The following UBE2E1 variants were observed in gnomAD, a reference collection of about 807,000 sequenced individuals.
UBE2E1 encodes ubiquitin conjugating enzyme E2 E1, also known as ubiquitin-conjugating enzyme E2 E1.
In UBE2E1, 6 loss-of-function variants were observed where a neutral mutation model predicts 21.4. The ratio of observed to expected loss-of-function variants is 0.28; its 90% CI spans 0.15 to 0.55. The LOEUF (loss-of-function observed/expected upper bound fraction) is 0.55, where lower values mean the gene tolerates loss of function less well. Ranked by LOEUF, UBE2E1 falls within the 20% of genes least tolerant of loss-of-function variation. The probability of loss-of-function intolerance (pLI) is 0.93; values close to 1 mark genes in which losing one functional copy is unlikely to be tolerated. For synonymous variants in UBE2E1, 87 were observed against 82.7 expected, an observed-to-expected ratio of 1.05 and a Z score of -0.28; for missense variants, 142 against 236.5, an observed-to-expected ratio of 0.60 and a Z score of 2.62.
intron 3 of UBE2E1, among the ~76,000 whole-genome samples, chr3:23,850,870 G>A (rs1700309894): frequency 7.1e-6 from 1 of 140,488 alleles, no homozygotes; most frequent in Non-Finnish European, 1.5e-5. Flanking sequence ...TAAGAGACAG[G>A]GTTTTGCCGT....
chr3:23,827,506 G>A (rs1223443978), intron 3 of UBE2E1, among the ~76,000 whole-genome samples: 2 of 152,152 alleles, frequency 1.3e-5, no homozygotes, highest in African/African-American at 4.8e-5. Context: ...TATAAATGAG[G>A]AAAGAGAACC....
intron 3 of UBE2E1, among the ~76,000 whole-genome samples, chr3:23,856,810 G>A (rs1216309830): frequency 1.3e-5 from 2 of 152,032 alleles, no homozygotes; most frequent in East Asian, 3.9e-4. Flanking sequence ...GTTTCCAGAA[G>A]GCAGGGCTCA....
intron 5 of UBE2E1, chr3:23,889,845 A>C: frequency 2.6e-6 from 2 of 760,524 alleles, no homozygotes; most frequent in Non-Finnish European, 3.2e-6. Flanking sequence ...AGCCATGAGC[A>C]TGTCACTGCA....
chr3:23,811,419 A>G, intron 2 of UBE2E1, 41 bp from the exon 3 acceptor site: 2 of 1,611,364 alleles, frequency 1.2e-6, no homozygotes, highest in Admixed American at 1.7e-5. Context: ...TCCGCGCCTT[A>G]ATGCTTCTTG....
intron 3 of UBE2E1, among the ~76,000 whole-genome samples, chr3:23,882,210 ATTTTACAGAGAGCTGATTGG>A (rs55662935): frequency 0.18 from 26,958 of 152,012 alleles, 3,325 homozygotes; most frequent in African/African-American, 0.34. Context: ...TGATTGGTGC[ATTTTACAGAGAGCTGATTGG>A]TTTTACAGAG....
chr3:23,862,810 C>A (rs907997923), intron 3 of UBE2E1, among the ~76,000 whole-genome samples: 6 of 152,150 alleles, frequency 3.9e-5, no homozygotes, highest in Non-Finnish European at 2.9e-5. Flanking sequence ...ACTGCAGCCT[C>A]AAACTCCTGG....
intron 3 of UBE2E1, among the ~76,000 whole-genome samples, chr3:23,860,353 T>C (rs1427751429): frequency 1.3e-5 from 2 of 152,224 alleles, no homozygotes; most frequent in Non-Finnish European, 2.9e-5. Context: ...TTTTTAGCAA[T>C]GTTTTAGCTG....
At chr3:23,874,398 C>T (rs1432361660) in intron 3 of UBE2E1, among the ~76,000 whole-genome samples, 2 of 152,194 alleles carry the variant, frequency 1.3e-5, no homozygotes, top group Non-Finnish European at 2.9e-5. Flanking sequence ...CTCACTTATG[C>T]ACAATATAGT....
At chr3:23,864,236 G>A (rs1210810157) in intron 3 of UBE2E1, among the ~76,000 whole-genome samples, 1 of 152,136 alleles carries the variant, frequency 6.6e-6, no homozygotes, top group African/African-American at 2.4e-5. Context: ...CGCTGATTTG[G>A]GGTTTCTTAC....
At chr3:23,884,481 ATCTTTAG>A (rs1239577857) in intron 3 of UBE2E1, among the ~76,000 whole-genome samples, 1 of 152,176 alleles carries the variant, frequency 6.6e-6, no homozygotes, top group East Asian at 1.9e-4. Flanking sequence ...GGGTCTAGAA[ATCTTTAG>A]TCTTTAAAGT....
chr3:23,865,491 A>T (rs1384295071), intron 3 of UBE2E1, among the ~76,000 whole-genome samples: 1 of 152,164 alleles, frequency 6.6e-6, no homozygotes, highest in African/African-American at 2.4e-5. Context: ...AGTAACTGCG[A>T]TGACAGGTGC....
chr3:23,879,606 A>C, intron 3 of UBE2E1: 1 of 229,358 alleles, frequency 4.4e-6, no homozygotes, highest in Non-Finnish European at 8.8e-6. Context: ...CCTTCTCTTC[A>C]CTCAGCGTCT....
At position 23,829,383 on chromosome 3, in the gene UBE2E1, C is replaced by T. The variant is rs1029658946; in HGVS notation, c.203+17873C>T. Among the ~76,000 whole-genome samples, 4 of 151,086 alleles carry T rather than the reference C, an allele frequency of 2.6e-5. No individual in the cohort carries two copies. The South Asian group carries it at 8.4e-4, about 32-fold the overall frequency. ...CTATGTTGCCCAGGCTGGTCTGGAA[C>T]TCCTAAGCTCAGATGATCCTCCTGC... On this transcript the variant is annotated intron_variant, in intron 3 of 5. Coordinates refer to ENST00000306627, the MANE Select transcript of UBE2E1 (RefSeq NM_003341.5).
intron 3 of UBE2E1, among the ~76,000 whole-genome samples, chr3:23,865,680 T>C (rs1033565480): frequency 6.6e-5 from 10 of 152,190 alleles, no homozygotes; most frequent in African/African-American, 2.4e-4. Context: ...AGCACCCTTC[T>C]CTGTTTGGGG....
chr3:23,832,359 G>T (rs531455635), intron 3 of UBE2E1, among the ~76,000 whole-genome samples: 2 of 152,266 alleles, frequency 1.3e-5, no homozygotes, highest in South Asian at 2.1e-4. Context: ...ATAGAGGTGT[G>T]GGGGGCTGGG....
intron 3 of UBE2E1, among the ~76,000 whole-genome samples, chr3:23,837,788 T>C (rs1013075231): frequency 2.0e-5 from 3 of 152,222 alleles, no homozygotes; most frequent in African/African-American, 7.2e-5. Flanking sequence ...ACCTTCAATC[T>C]TTTGAGGAAC....
At chr3:23,877,216 A>G (rs1288453875) in intron 3 of UBE2E1, among the ~76,000 whole-genome samples, 1 of 152,186 alleles carries the variant, frequency 6.6e-6, no homozygotes, top group Non-Finnish European at 1.5e-5. Flanking sequence ...CACTTTGAAT[A>G]TCAGTCTACA....
intron 3 of UBE2E1, among the ~76,000 whole-genome samples, chr3:23,826,318 G>A (rs955268981): frequency 6.6e-6 from 1 of 152,206 alleles, no homozygotes; most frequent in African/African-American, 2.4e-5. Context: ...GATGAAGTGT[G>A]AATGTTTGTA....
At chr3:23,886,988 A>G (rs1575044239) in intron 3 of UBE2E1, among the ~76,000 whole-genome samples, 1 of 152,216 alleles carries the variant, frequency 6.6e-6, no homozygotes, top group East Asian at 1.9e-4. Flanking sequence ...AGAGAACCCA[A>G]TTATAGAATA....
Sources: allele counts gnomAD v4.1 joint callset (sites outside exome capture counted in the v4.1 genomes callset), GRCh38; gene constraint gnomAD v4.1.1; transcripts MANE v1.5; gene names NCBI Gene and HGNC (gene_info 2026-07-23, HGNC 2026-07-21).